Variants in PIBF1 observed in about 807,000 individuals in gnomAD.
PIBF1 encodes progesterone-induced-blocking factor 1.
In PIBF1, 90 loss-of-function variants were observed where a neutral mutation model predicts 112.5. The ratio of observed to expected loss-of-function variants is 0.80; its 90% CI spans 0.67 to 0.95. PIBF1 has a LOEUF of 0.95. PIBF1 is among the 40% of genes least tolerant of loss of function. PIBF1 has a pLI of 0.00. For missense variants in PIBF1, 915 were observed against 852.3 expected (o/e 1.07, Z -0.92); for synonymous variants, 301 against 288.6 (o/e 1.04, Z -0.44).
At chr13:72,863,177 A>AT (rs1272099431) in intron 10 of PIBF1, among the ~76,000 whole-genome samples, 4 of 152,164 alleles carry the variant, frequency 2.6e-5, no homozygotes, top group Admixed American at 2.6e-4. Context: ...CACAGGCTAT[A>AT]TAACAAAGGA....
intron 14 of PIBF1, among the ~76,000 whole-genome samples, chr13:72,941,792 A>G (rs2042016944): frequency 6.6e-6 from 1 of 152,240 alleles, no homozygotes; most frequent in Admixed American, 6.5e-5. Flanking sequence ...TGATTTTTCA[A>G]AAAACAAATT....
chr13:72,938,163 G>T (rs140719667), intron 14 of PIBF1, among the ~76,000 whole-genome samples: 90 of 152,262 alleles, frequency 5.9e-4, no homozygotes, highest in Non-Finnish European at 1.1e-3. Flanking sequence ...ACTGAAAGTA[G>T]CCATTTAAGA....
intron 5 of PIBF1, among the ~76,000 whole-genome samples, chr13:72,812,868 G>T (rs1408778001): frequency 1.3e-5 from 2 of 151,940 alleles, no homozygotes; most frequent in East Asian, 3.9e-4. Context: ...CTTGAGCCCG[G>T]GGTAGGGGTA....
At chr13:72,949,808 CTGTT>C (rs1422795879) in intron 14 of PIBF1, among the ~76,000 whole-genome samples, 3 of 152,064 alleles carry the variant, frequency 2.0e-5, no homozygotes, top group Non-Finnish European at 2.9e-5. Flanking sequence ...TTTTTTAACA[CTGTT>C]TGCAACCTAT....
intron 15 of PIBF1, among the ~76,000 whole-genome samples, chr13:72,965,995 A>T (rs1274490016): frequency 1.3e-5 from 2 of 152,206 alleles, no homozygotes; most frequent in African/African-American, 4.8e-5. Context: ...TTAAAGAATG[A>T]AGATATGTGT....
chr13:72,895,449 T>C (rs955588340), intron 11 of PIBF1, among the ~76,000 whole-genome samples: 8 of 151,654 alleles, frequency 5.3e-5, no homozygotes, highest in African/African-American at 1.9e-4. Flanking sequence ...TGCCTTCGCC[T>C]TCTACATAAA....
rs1018886310 is a variant in PIBF1, at chr13:73,006,024, A to T, written c.2223+7029A>T. ...AACCTCCGTCTCCTGGGTTCAAGCA[A>T]TTCTCCCACCTCAGCCTCCTGAGTA... On this transcript the variant is annotated intron_variant, in intron 17 of 17. Coordinates refer to ENST00000326291, the MANE Select transcript of PIBF1 (RefSeq NM_006346.4). Among the ~76,000 whole-genome samples the T allele has an allele frequency of 4.6e-5, 7 of 151,186 alleles. No individual in the cohort carries two copies. In the East Asian group the frequency reaches 1.4e-3, roughly 30 times the overall value.
At chr13:72,996,954 C>T (rs769139022) in intron 16 of PIBF1, among the ~76,000 whole-genome samples, 1 of 152,100 alleles carries the variant, frequency 6.6e-6, no homozygotes, top group Admixed American at 6.6e-5. Flanking sequence ...TGTTCTTTGC[C>T]TGGATTTCAG....
At chr13:73,011,587 G>C (rs1186139611) in intron 17 of PIBF1, among the ~76,000 whole-genome samples, 1 of 152,048 alleles carries the variant, frequency 6.6e-6, no homozygotes, top group Admixed American at 6.6e-5. Context: ...AGCCCACCTA[G>C]CCATCATGGC....
intron 16 of PIBF1, chr13:72,974,334 A>G (rs2042968457): frequency 6.6e-6 from 1 of 152,124 alleles, no homozygotes; most frequent in Non-Finnish European, 1.5e-5. Context: ...TTACTCCACA[A>G]AATTCCCTCA....
chr13:72,957,991 AGTT>A (rs977048493), intron 14 of PIBF1, among the ~76,000 whole-genome samples: 3 of 151,688 alleles, frequency 2.0e-5, no homozygotes, highest in African/African-American at 4.8e-5. Context: ...ACAATTAGCC[AGTT>A]GTTGTGGCAT....
intron 13 of PIBF1, among the ~76,000 whole-genome samples, chr13:72,927,948 T>TATATATATATATATATAC (rs1566457558): frequency 1.4e-4 from 9 of 65,572 alleles, no homozygotes; most frequent in East Asian, 4.7e-4. Context: ...TATGTGTGTA[T>TATATATATATATATATAC]ATATATATAT....
rs1477403575 is a variant in PIBF1 at position 72,927,942 on chromosome 13, T to C, written c.1731-3223T>C. Among the ~76,000 whole-genome samples the C allele has an allele frequency of 4.0e-5, 4 of 101,228 alleles. 1 individual carries two copies. The highest frequency in any genetic ancestry group is 2.1e-4 in the African/African-American group (4 of 18,606). 66.4% of individuals were successfully genotyped at this position (101,228 alleles called of 152,430 possible). On this transcript the variant is annotated intron_variant, in intron 13 of 17. Transcript: ENST00000326291. ...ACTTTAATACCATTTCTAATATATGTGTGTATATATATATATACACATATA... is the reference window on the plus strand; with the variant it reads ...ACTTTAATACCATTTCTAATATATGCGTGTATATATATATATACACATATA...
chr13:72,853,114 T>A (rs1414005793), intron 9 of PIBF1, among the ~76,000 whole-genome samples: 2 of 152,192 alleles, frequency 1.3e-5, no homozygotes, highest in Non-Finnish European at 2.9e-5. Flanking sequence ...ATTTTTTTTT[T>A]ATTCAAAGTT....
intron 10 of PIBF1, among the ~76,000 whole-genome samples, chr13:72,862,538 A>G (rs564054211): frequency 6.6e-6 from 1 of 152,324 alleles, no homozygotes; most frequent in Non-Finnish European, 1.5e-5. Context: ...CACCATTTTC[A>G]GGCACTGTGA....
intron 9 of PIBF1, among the ~76,000 whole-genome samples, chr13:72,843,331 G>A (rs904589406): frequency 6.6e-6 from 1 of 152,202 alleles, no homozygotes; most frequent in Non-Finnish European, 1.5e-5. Flanking sequence ...TGATTGACAG[G>A]AAGTGAACCT....
At chr13:72,944,939 G>T (rs1237801312) in intron 14 of PIBF1, among the ~76,000 whole-genome samples, 1 of 151,984 alleles carries the variant, frequency 6.6e-6, no homozygotes, top group Non-Finnish European at 1.5e-5. Flanking sequence ...GCTGATTTTT[G>T]TATTTCTCTG....
intron 17 of PIBF1, among the ~76,000 whole-genome samples, chr13:73,014,047 T>TCCCC: frequency 6.8e-6 from 1 of 146,660 alleles, no homozygotes; most frequent in Non-Finnish European, 1.5e-5. Context: ...TTCCCTTCCC[T>TCCCC]TCCCTCCCCT....
intron 3 of PIBF1, 31 bp from the exon 4 acceptor site, chr13:72,795,328 A>G (rs1332231762): frequency 7.3e-7 from 1 of 1,364,508 alleles, no homozygotes. Flanking sequence ...ATACTTTTTT[A>G]AAGCCTGCCA....
Sources: gnomAD v4.1 joint callset for allele counts (sites outside exome capture counted in the v4.1 genomes callset) on GRCh38, gnomAD v4.1.1 for gene constraint, MANE v1.5 for transcripts, NCBI Gene and HGNC (gene_info 2026-07-23, HGNC 2026-07-21) for gene names.